The following CACNA1A variants were observed in gnomAD, a reference collection of about 807,000 sequenced individuals.
The protein encoded by CACNA1A is calcium voltage-gated channel subunit alpha1 A.
In CACNA1A, 57 loss-of-function variants were observed where a neutral mutation model predicts 262.4. The observed-to-expected ratio is 0.22, with a 90% CI of 0.18 to 0.27. The LOEUF (loss-of-function observed/expected upper bound fraction) is 0.27. Among genes scored for constraint, CACNA1A ranks in the 10% least tolerant of loss-of-function variants. The pLI is 1.00. For synonymous variants in CACNA1A, 1,431 were observed against 1,419.3 expected (o/e 1.01, Z -0.18); for missense variants, 2,526 against 3,562.8 (o/e 0.71, Z 7.41).
intron 31 of CACNA1A, among the ~76,000 whole-genome samples, chr19:13,238,912 G>A (rs1319615854): frequency 6.6e-6 from 1 of 151,978 alleles, no homozygotes; most frequent in Admixed American, 6.6e-5. Flanking sequence ...AGCCAGACCC[G>A]ACTGCTCCCA....
At chr19:13,290,095 ATTT>A (rs34860973) in intron 19 of CACNA1A, among the ~76,000 whole-genome samples, 1 of 140,250 alleles carries the variant, frequency 7.1e-6, no homozygotes, top group African/African-American at 2.6e-5. Context: ...CACCCGGCTA[ATTT>A]TTTTTTTTTT....
intron 3 of CACNA1A, among the ~76,000 whole-genome samples, chr19:13,420,255 G>A (rs930471055): frequency 4.0e-5 from 6 of 151,050 alleles, no homozygotes; most frequent in Admixed American, 6.6e-5. Context: ...AGAAAGGCTC[G>A]CTCTCTCTCT....
At chr19:13,471,651 T>C (rs1235795585) in intron 1 of CACNA1A, among the ~76,000 whole-genome samples, 2 of 152,208 alleles carry the variant, frequency 1.3e-5, no homozygotes, top group African/African-American at 4.8e-5. Flanking sequence ...GGCATTATGC[T>C]AAGTGAAAGA....
rs1600130821 is a variant in CACNA1A, at chr19:13,231,811, C to T, written c.5299G>A (p.Gly1767Arg). 1 of 1,613,778 alleles carries T rather than the reference C, an allele frequency of 6.2e-7. No homozygotes were observed. The highest frequency in any genetic ancestry group is 8.5e-7 in the Non-Finnish European group (1 of 1,179,720). The change falls in exon 35 of 47, where the codon GGG becomes AGG. Residue 1767 changes from glycine to arginine, a missense_variant. By Grantham distance (125) the Gly-to-Arg change is moderately radical. Coordinates refer to ENST00000360228, the MANE Select transcript of CACNA1A (RefSeq NM_001127222.2). ...CCAGAGTTCTTATCACACGGTTTCCCGCTGAGGCAGGAAAGCATGATGTTG... is the reference window on the plus strand; with the variant it reads ...CCAGAGTTCTTATCACACGGTTTCCTGCTGAGGCAGGAAAGCATGATGTTG... ...WHNIMLSCLS[G>R]KPCDKNSGIL... is the part of the protein sequence containing the mutation.
intron 31 of CACNA1A, among the ~76,000 whole-genome samples, chr19:13,243,042 C>A (rs567744076): frequency 1.7e-4 from 26 of 152,344 alleles, no homozygotes; most frequent in African/African-American, 6.3e-4. Flanking sequence ...ACCCCACCTG[C>A]CCTTCTGGGG....
At chr19:13,357,985 C>A (rs964836585) in intron 6 of CACNA1A, among the ~76,000 whole-genome samples, 1 of 151,918 alleles carries the variant, frequency 6.6e-6, no homozygotes, top group Non-Finnish European at 1.5e-5. Flanking sequence ...CCAGCCTGGA[C>A]GACAGAGGGA....
At position 13,262,830 on chromosome 19, in the gene CACNA1A, G is replaced by A. The variant is rs765970905; in HGVS notation, c.3993C>T (p.Gly1331=). 3 of 1,606,880 alleles carry A rather than the reference G, an allele frequency of 1.9e-6. No individual in the cohort carries two copies. Among genetic ancestry groups the A allele is most frequent in the Admixed American group, 1.7e-5 (1 of 59,702 alleles). The change falls in exon 25 of 47, where the codon GGC becomes GGT. Residue 1331 remains glycine (G), a synonymous_variant. Coordinates refer to ENST00000360228, the MANE Select transcript of CACNA1A (RefSeq NM_001127222.2). Reference sequence around the variant, plus strand: ...TGTTGATGTCTTTTCCTTTGCTATTGCCACTGTGGAGGAATGTTTAGGTGG... The same window carrying A: ...TGTTGATGTCTTTTCCTTTGCTATTACCACTGTGGAGGAATGTTTAGGTGG... ...SGALVAFAFT[G]NSKGKDINTI... is the part of the protein sequence containing the mutation.
chr19:13,340,012 T>C (rs1232360997), intron 6 of CACNA1A, among the ~76,000 whole-genome samples: 1 of 152,188 alleles, frequency 6.6e-6, no homozygotes, highest in East Asian at 1.9e-4. Flanking sequence ...CTTTGGCGGC[T>C]GAGGGTTCTC....
At chr19:13,275,757 T>C (rs2057132098) in intron 24 of CACNA1A, 93 bp downstream of exon 24, 2 of 873,430 alleles carry the variant, frequency 2.3e-6, no homozygotes, top group African/African-American at 3.3e-5. Flanking sequence ...ACCCCATCCC[T>C]AGACCCTGAG....
intron 6 of CACNA1A, among the ~76,000 whole-genome samples, chr19:13,345,711 G>A (rs1244041119): frequency 6.6e-6 from 1 of 152,086 alleles, no homozygotes; most frequent in Non-Finnish European, 1.5e-5. Flanking sequence ...ACATGGGGGT[G>A]GATTTGAGTG....
At chr19:13,296,400 G>A (rs2057667639) in intron 19 of CACNA1A, among the ~76,000 whole-genome samples, 1 of 152,138 alleles carries the variant, frequency 6.6e-6, no homozygotes, top group Admixed American at 6.6e-5. Flanking sequence ...CAATGTCTAC[G>A]ATGTCTATTT....
intron 18 of CACNA1A, among the ~76,000 whole-genome samples, chr19:13,299,838 G>A (rs2057751852): frequency 6.6e-6 from 1 of 152,134 alleles, no homozygotes; most frequent in Non-Finnish European, 1.5e-5. Flanking sequence ...CAGTTTTGTG[G>A]AAGACAGTTT....
At chr19:13,284,525 T>C (rs1265715179) in intron 21 of CACNA1A, 5 of 152,286 alleles carry the variant, frequency 3.3e-5, no homozygotes, top group African/African-American at 9.7e-5. Flanking sequence ...TCCGAGCCAC[T>C]ACGACATTCA....
In CACNA1A at chr19:13,387,101, G is replaced by A. The variant is rs187232863; in HGVS notation, c.540-15322C>T. Reference sequence around the variant, plus strand: ...CGAGTAGCTGGGACTACAGGCGTGCGCCACCACGCCTGGCTAATTTTTGTA... The same window carrying A: ...CGAGTAGCTGGGACTACAGGCGTGCACCACCACGCCTGGCTAATTTTTGTA... On this transcript the variant is annotated intron_variant, in intron 3 of 46. Transcript: ENST00000360228. Among the ~76,000 whole-genome samples, 15 of 152,046 alleles carry A rather than the reference G, an allele frequency of 9.9e-5. No individual in the cohort carries two copies. The East Asian group carries it at 1.8e-3, about 18-fold the overall frequency.
chr19:13,243,208 A>G (rs2056127902), intron 31 of CACNA1A, among the ~76,000 whole-genome samples: 1 of 152,216 alleles, frequency 6.6e-6, no homozygotes, highest in Non-Finnish European at 1.5e-5. Context: ...GGGGCACCCC[A>G]GTGGAGAGAG....
rs951486706 is a variant in CACNA1A at position 13,236,214 on chromosome 19, C to T, written c.4951-484G>A. Among the ~76,000 whole-genome samples the T allele has an allele frequency of 6.6e-4, 15 of 22,662 alleles. No homozygotes were observed. The highest frequency in any genetic ancestry group is 2.3e-3 in the Admixed American group (5 of 2,192). The allele number at this position is 22,662 out of a possible 152,430, so 14.9% of individuals were successfully genotyped here. On this transcript the variant is annotated intron_variant, in intron 31 of 46. Coordinates refer to ENST00000360228, the MANE Select transcript of CACNA1A (RefSeq NM_001127222.2). This position sits in a 1 kb window ranked among gnomAD's most constrained non-coding sequence, Gnocchi z 4.6. ...CGTGTACGATGCACAAACACCAGGG[C>T]GGGGGTGGGGGTGGAGGTCGCCAGC...
At position 13,255,334 on chromosome 19, in the gene CACNA1A, A is replaced by G. The variant is rs1267036842; in HGVS notation, c.4591-75T>C. The G allele has an allele frequency of 5.0e-6, 7 of 1,388,362 alleles. No individual in the cohort carries two copies. The East Asian group carries it at 1.8e-4, about 35-fold the overall frequency. 86.0% of individuals were successfully genotyped at this position (1,388,362 alleles called of 1,614,324 possible). On this transcript the variant is annotated intron_variant, in intron 28 of 46. Coordinates refer to ENST00000360228, the MANE Select transcript of CACNA1A (RefSeq NM_001127222.2). ...GCTGTACACCGGGCACCCTCTGTCT[A>G]ACTCGTCGCGGTTCTCAAGTGCTTC...
chr19:13,431,573 C>CA (rs1398328511), intron 3 of CACNA1A, among the ~76,000 whole-genome samples: 1 of 152,082 alleles, frequency 6.6e-6, no homozygotes, highest in East Asian at 1.9e-4. Context: ...GCTGCACACC[C>CA]ATGTTCATGA....
intron 26 of CACNA1A, chr19:13,260,337 T>TC (rs2056701106): frequency 7.0e-6 from 1 of 142,948 alleles, no homozygotes; most frequent in Admixed American, 6.9e-5. Flanking sequence ...TATATATTTT[T>TC]GTTGTTGTTG....
Sources: gnomAD v4.1 joint callset for allele counts (sites outside exome capture counted in the v4.1 genomes callset) on GRCh38, gnomAD v4.1.1 for gene constraint, Gnocchi (gnomAD v3.1) non-coding constraint, MANE v1.5 for transcripts, NCBI Gene and HGNC (gene_info 2026-07-23, HGNC 2026-07-21) for gene names.